TUSC3: variants seen among roughly 807,000 people sequenced by gnomAD.
TUSC3 encodes tumor suppressor candidate 3.
TUSC3 carries 45 observed loss-of-function variants against 44.8 expected under a neutral mutation model. The ratio of observed to expected loss-of-function variants is 1.00; its 90% CI spans 0.79 to 1.29. The LOEUF is 1.29. TUSC3 is among the 50% of genes most tolerant of loss of function. The pLI is 0.00. For missense variants in TUSC3, 519 were observed against 437.9 expected (o/e 1.19, Z -1.65); for synonymous variants, 212 against 152.9 (o/e 1.39, Z -2.85).
At chr8:15,531,651 G>A (rs1801451544) in intron 2 of TUSC3, among the ~76,000 whole-genome samples, 1 of 152,142 alleles carries the variant, frequency 6.6e-6, no homozygotes, top group Admixed American at 6.5e-5. Flanking sequence ...CCTTTCTTCT[G>A]AGAAGGCAAG....
At chr8:15,442,017 C>T (rs1262158113) in intron 1 of TUSC3, among the ~76,000 whole-genome samples, 1 of 152,170 alleles carries the variant, frequency 6.6e-6, no homozygotes, top group Non-Finnish European at 1.5e-5. Context: ...CATATAGGGA[C>T]TCTTAAATCA....
chr8:15,734,981 G>A (rs1413357225), intron 7 of TUSC3, among the ~76,000 whole-genome samples: 1 of 152,124 alleles, frequency 6.6e-6, no homozygotes, highest in Non-Finnish European at 1.5e-5. Flanking sequence ...CAATTAATAT[G>A]CCAATTTTAT....
At chr8:15,610,444 C>T (rs1007988074) in intron 1 of TUSC3, among the ~76,000 whole-genome samples, 2 of 152,104 alleles carry the variant, frequency 1.3e-5, no homozygotes, top group Non-Finnish European at 2.9e-5. Context: ...TGTGAATTCA[C>T]TGCTTCCTTT....
intron 1 of TUSC3, among the ~76,000 whole-genome samples, chr8:15,581,381 GA>G (rs1803324913): frequency 6.7e-6 from 1 of 149,998 alleles, no homozygotes; most frequent in African/African-American, 2.5e-5. Context: ...TCCTTTGGAG[GA>G]GGAGAGGCGC....
At chr8:15,488,956 C>T (rs1426234862) in intron 2 of TUSC3, among the ~76,000 whole-genome samples, 1 of 152,112 alleles carries the variant, frequency 6.6e-6, no homozygotes, top group African/African-American at 2.4e-5. Flanking sequence ...TTGACCTTCC[C>T]CAGTAATCTC....
At chr8:15,470,379 C>G (rs1464101757) in intron 1 of TUSC3, among the ~76,000 whole-genome samples, 1 of 151,990 alleles carries the variant, frequency 6.6e-6, no homozygotes, top group African/African-American at 2.4e-5. Flanking sequence ...GGATGCCTTC[C>G]TTATACATTG....
chr8:15,721,428 A>C (rs1442982762), intron 6 of TUSC3, among the ~76,000 whole-genome samples: 1 of 152,038 alleles, frequency 6.6e-6, no homozygotes, highest in Non-Finnish European at 1.5e-5. Flanking sequence ...ATGTTCCTTG[A>C]TCAAGTTGCT....
intron 1 of TUSC3, among the ~76,000 whole-genome samples, chr8:15,597,114 A>C (rs1804106148): frequency 6.6e-6 from 1 of 152,136 alleles, no homozygotes; most frequent in Admixed American, 6.6e-5. Flanking sequence ...AGTGATAAAT[A>C]GAATATGGAG....
intron 6 of TUSC3, among the ~76,000 whole-genome samples, chr8:15,690,821 A>C (rs12906603): frequency 2.0e-5 from 3 of 151,736 alleles, no homozygotes; most frequent in Non-Finnish European, 4.4e-5. Flanking sequence ...GGTGTGCAGC[A>C]TTACTTCTGT....
At chr8:15,811,365 G>A in the TUSC3 span, among the ~76,000 whole-genome samples, 1 of 152,082 alleles carries the variant, frequency 6.6e-6, no homozygotes, top group Non-Finnish European at 1.5e-5. Context: ...TCCTAACCTC[G>A]AAGTCCACCA....
At chr8:15,633,136 T>C (rs777767898) in intron 2 of TUSC3, among the ~76,000 whole-genome samples, 15 of 152,370 alleles carry the variant, frequency 9.8e-5, no homozygotes, top group Middle Eastern at 3.4e-3. Context: ...TTTAAAATTA[T>C]GACTTCAGTT....
intron 1 of TUSC3, among the ~76,000 whole-genome samples, chr8:15,595,360 G>A (rs73665448): frequency 0.012 from 1,773 of 152,126 alleles, 42 homozygotes; most frequent in African/African-American, 0.041. Flanking sequence ...TAGGTGCCTT[G>A]GTTACCTGGA....
At chr8:15,460,505 G>T (rs1346995246) in intron 1 of TUSC3, among the ~76,000 whole-genome samples, 1 of 152,076 alleles carries the variant, frequency 6.6e-6, no homozygotes, top group Non-Finnish European at 1.5e-5. Flanking sequence ...TCTGCTGACT[G>T]TTCCTTTTGC....
At chr8:15,769,251 A>T (rs1692216100), downstream of TUSC3, among the ~76,000 whole-genome samples, 1 of 152,210 alleles carries the variant, frequency 6.6e-6, no homozygotes, top group African/African-American at 2.4e-5. Flanking sequence ...GGAACGGAAC[A>T]GAACAGAGGC....
chr8:15,793,561 ACTCT>A, the TUSC3 span, among the ~76,000 whole-genome samples: 1 of 151,134 alleles, frequency 6.6e-6, no homozygotes, highest in Non-Finnish European at 1.5e-5. Flanking sequence ...TCTGCCATTC[ACTCT>A]CTCTCTTGCC....
chr8:15,631,308 C>T (rs1398699110), intron 2 of TUSC3, among the ~76,000 whole-genome samples: 1 of 152,170 alleles, frequency 6.6e-6, no homozygotes, highest in African/African-American at 2.4e-5. Context: ...GTCTCTTCCT[C>T]AGATAGGATA....
At chr8:15,548,975 T>C (rs1290402806) in intron 1 of TUSC3, among the ~76,000 whole-genome samples, 1 of 151,620 alleles carries the variant, frequency 6.6e-6, no homozygotes, top group Non-Finnish European at 1.5e-5. Flanking sequence ...GTGAAATAAG[T>C]GTTTTTATTG....
At chr8:15,633,628 C>T (rs1432893289) in intron 2 of TUSC3, among the ~76,000 whole-genome samples, 1 of 152,088 alleles carries the variant, frequency 6.6e-6, no homozygotes, top group Non-Finnish European at 1.5e-5. Context: ...GTTACAGACA[C>T]ACAGGGAGAT....
the TUSC3 span, among the ~76,000 whole-genome samples, chr8:15,810,994 A>G: frequency 6.6e-6 from 1 of 152,130 alleles, no homozygotes; most frequent in East Asian, 1.9e-4. Context: ...TTCTCCTTAG[A>G]TTACTTCCAG....
Sources: gnomAD v4.1 joint callset for allele counts (sites outside exome capture counted in the v4.1 genomes callset) on GRCh38, gnomAD v4.1.1 for gene constraint, MANE v1.5 for transcripts, NCBI Gene and HGNC (gene_info 2026-07-23, HGNC 2026-07-21) for gene names.